The following ULK4 variants were observed in gnomAD, a reference collection of about 807,000 sequenced individuals.
The protein encoded by ULK4 is inactive serine/threonine-protein kinase ULK4.
Under a neutral mutation model 160.6 loss-of-function variants are expected in ULK4, and 133 were observed. That is an observed-to-expected ratio of 0.83 (90% CI 0.72 to 0.96). The LOEUF is 0.96. Among genes scored for constraint, ULK4 ranks in the 40% least tolerant of loss-of-function variants. The pLI is 0.00. For synonymous variants in ULK4, 534 were observed against 539.8 expected (o/e 0.99, Z 0.15); for missense variants, 1,580 against 1,499.5 (o/e 1.05, Z -0.89).
rs2039019554 is a variant in ULK4 at position 41,762,566 on chromosome 3, AC to A, written c.2194-8079del. Among the ~76,000 whole-genome samples the A allele has an allele frequency of 2.6e-5, 4 of 152,056 alleles. No individual in the cohort carries two copies. In the South Asian group the frequency reaches 8.3e-4, roughly 32 times the overall value. On this transcript the variant is annotated intron_variant, in intron 21 of 36. Transcript: ENST00000301831. ...CACATGGCTAGGGAGGCCTCAGGAA[AC>A]TTAGAGTCATGGTAGAAGGTGAAGG...
chr3:41,256,646 A>T (rs1326188918), intron 35 of ULK4, among the ~76,000 whole-genome samples: 1 of 152,254 alleles, frequency 6.6e-6, no homozygotes, highest in Non-Finnish European at 1.5e-5. Context: ...AGAAGAAAAT[A>T]TGGAAGAAAT....
chr3:41,800,159 A>G lies in ULK4; in HGVS notation c.1983T>C (p.Ala661=), dbSNP rs762340484. 1 of 1,611,268 alleles carries G rather than the reference A, an allele frequency of 6.2e-7. No individual in the cohort carries two copies. Among genetic ancestry groups the G allele is most frequent in the Admixed American group, 1.7e-5 (1 of 59,234 alleles). Residue 661 remains alanine (A), a synonymous_variant, in exon 20 of 37, where the codon GCT becomes GCC. Transcript: ENST00000301831. Reference sequence around the variant, plus strand: ...ATACTGCTGTTATCCTAAGAGAATCAGCAGTGGAGTGTCTGAATAGGTACC... The same window carrying G: ...ATACTGCTGTTATCCTAAGAGAATCGGCAGTGGAGTGTCTGAATAGGTACC... The part of the protein sequence containing the change: ...ILWYLFRHST[A]DSLRITAVSA...
intron 27 of ULK4, among the ~76,000 whole-genome samples, chr3:41,690,930 C>T (rs1426991004): frequency 6.6e-6 from 1 of 151,742 alleles, no homozygotes; most frequent in African/African-American, 2.4e-5. Flanking sequence ...GGGCACCCCA[C>T]CCCAACCAGG....
chr3:41,642,924 C>T (rs531634972), intron 30 of ULK4, among the ~76,000 whole-genome samples: 1 of 152,190 alleles, frequency 6.6e-6, no homozygotes, highest in South Asian at 2.1e-4. Flanking sequence ...TTTTGATTTG[C>T]ATTTCTCTGA....
chr3:41,761,514 T>C (rs573522782), intron 21 of ULK4, among the ~76,000 whole-genome samples: 26 of 151,622 alleles, frequency 1.7e-4, no homozygotes, highest in African/African-American at 6.0e-4. Flanking sequence ...GAAAACTATG[T>C]AGGATACAAG....
chr3:41,520,294 A>G (rs2085889636), intron 32 of ULK4, among the ~76,000 whole-genome samples: 1 of 152,030 alleles, frequency 6.6e-6, no homozygotes, highest in South Asian at 2.1e-4. Flanking sequence ...ACCTCACACA[A>G]GTAGAATCAT....
chr3:41,482,889 T>C (rs1347588009), intron 32 of ULK4, among the ~76,000 whole-genome samples: 2 of 152,208 alleles, frequency 1.3e-5, no homozygotes, highest in East Asian at 3.9e-4. Context: ...GGGTACATAA[T>C]AGGTGTAAGG....
At position 41,511,005 on chromosome 3, in the gene ULK4, T is replaced by C. The variant is rs546181659; in HGVS notation, c.3227-47752A>G. ...GTGAAACCCCACCTCTACTAAAAAA[T>C]ACAAAAAATTAGCTGGGCGTGGTGG... On this transcript the variant is annotated intron_variant, in intron 32 of 36. Coordinates refer to ENST00000301831, the MANE Select transcript of ULK4 (RefSeq NM_017886.4). Among the ~76,000 whole-genome samples the C allele has an allele frequency of 2.1e-4, 32 of 150,868 alleles. No individual in the cohort carries two copies. The Middle Eastern group carries it at 0.01, about 48-fold the overall frequency.
At chr3:41,635,827 T>G (rs2033931429) in intron 30 of ULK4, among the ~76,000 whole-genome samples, 1 of 152,214 alleles carries the variant, frequency 6.6e-6, no homozygotes, top group Admixed American at 6.5e-5. Flanking sequence ...ATATATTATA[T>G]CAGGATAGAG....
intron 35 of ULK4, among the ~76,000 whole-genome samples, chr3:41,275,325 G>A (rs1439140207): frequency 1.3e-5 from 2 of 152,196 alleles, no homozygotes; most frequent in Non-Finnish European, 2.9e-5. Flanking sequence ...CAGTTCTATA[G>A]CACTTTGTTA....
chr3:41,519,613 C>A (rs577666705), intron 32 of ULK4, among the ~76,000 whole-genome samples: 1 of 152,084 alleles, frequency 6.6e-6, no homozygotes, highest in East Asian at 1.9e-4. Context: ...AAAACAGGGG[C>A]AGGAGAATCA....
intron 31 of ULK4, among the ~76,000 whole-genome samples, chr3:41,577,002 C>T (rs1448913527): frequency 6.6e-6 from 1 of 152,194 alleles, no homozygotes; most frequent in Non-Finnish European, 1.5e-5. Flanking sequence ...AGGCAGTTTT[C>T]AATTAGAGTC....
chr3:41,900,885 A>AC, intron 12 of ULK4, 56 bp from the exon 13 acceptor site: 1 of 1,282,914 alleles, frequency 7.8e-7, no homozygotes. Flanking sequence ...GATCTTTAAA[A>AC]CACTGAACCA....
chr3:41,571,244 T>C (rs1467602595), intron 31 of ULK4, among the ~76,000 whole-genome samples: 1 of 152,210 alleles, frequency 6.6e-6, no homozygotes. Context: ...TGGAGCACAG[T>C]AATTGCTTCT....
rs1698954502 is a variant in ULK4, at chr3:41,915,976, C to T, written c.803+1G>A. On this transcript the variant is annotated splice_donor_variant, in intron 8 of 36. Transcript: ENST00000301831. LOFTEE classifies it high-confidence loss of function. Reference sequence around the variant, plus strand: ...AAAAAAGATCGAACTACTGTCCCTACCTTTTCTGAGGATCTCTTTGAAGTA... The same window carrying T: ...AAAAAAGATCGAACTACTGTCCCTATCTTTTCTGAGGATCTCTTTGAAGTA... The T allele has an allele frequency of 6.3e-7, 1 of 1,586,412 alleles. No individual in the cohort carries two copies. Among genetic ancestry groups the T allele is most frequent in the Non-Finnish European group, 8.5e-7 (1 of 1,171,060 alleles).
At chr3:41,539,093 A>G (rs961942771) in intron 32 of ULK4, among the ~76,000 whole-genome samples, 4 of 150,198 alleles carry the variant, frequency 2.7e-5, no homozygotes, top group African/African-American at 9.8e-5. Context: ...GTTTTTACAA[A>G]TTCTCATAAA....
chr3:41,298,900 A>T (rs1186845247), intron 35 of ULK4, among the ~76,000 whole-genome samples: 1 of 152,228 alleles, frequency 6.6e-6, no homozygotes, highest in Admixed American at 6.5e-5. Flanking sequence ...GGTGATAAGG[A>T]AACTTGACAA....
intron 35 of ULK4, among the ~76,000 whole-genome samples, chr3:41,272,186 G>A (rs1466338630): frequency 6.6e-6 from 1 of 152,100 alleles, no homozygotes; most frequent in Admixed American, 6.5e-5. Context: ...CAAAGTGCTG[G>A]GATTACAGGT....
intron 1 of ULK4, among the ~76,000 whole-genome samples, chr3:41,957,687 T>C (rs1373033180): frequency 6.7e-6 from 1 of 150,094 alleles, no homozygotes; most frequent in African/African-American, 2.5e-5. Context: ...TACTCCAGCC[T>C]GGACAACAGG....
Sources: gnomAD v4.1 joint callset for allele counts (sites outside exome capture counted in the v4.1 genomes callset) on GRCh38, gnomAD v4.1.1 for gene constraint, MANE v1.5 for transcripts, NCBI Gene and HGNC (gene_info 2026-07-23, HGNC 2026-07-21) for gene names.